The following KLF12 variants were observed in gnomAD, a reference collection of about 807,000 sequenced individuals.
KLF12 encodes the protein KLF transcription factor 12.
A neutral mutation model predicts 37.8 loss-of-function variants in KLF12; 9 were observed. The ratio of observed to expected loss-of-function variants is 0.24; its 90% CI spans 0.14 to 0.42. The LOEUF (loss-of-function observed/expected upper bound fraction) is 0.42, where lower values mean the gene tolerates loss of function less well. KLF12 is among the 10% of genes least tolerant of loss of function. The probability of loss-of-function intolerance (pLI) is 1.00; values close to 1 mark genes in which losing one functional copy is unlikely to be tolerated. For synonymous variants in KLF12, 208 were observed against 202.1 expected (o/e 1.03, Z -0.25); for missense variants, 411 against 516.0 (o/e 0.80, Z 1.97).
the KLF12 span, among the ~76,000 whole-genome samples, chr13:74,255,419 A>G: frequency 6.6e-6 from 1 of 152,210 alleles, no homozygotes; most frequent in Non-Finnish European, 1.5e-5. Flanking sequence ...AGCCTAGTTA[A>G]GTTTTTAGTT....
intron 1 of KLF12, among the ~76,000 whole-genome samples, chr13:74,029,595 C>A (rs1030583088): frequency 6.6e-5 from 10 of 152,100 alleles, no homozygotes; most frequent in Middle Eastern, 3.4e-3. Context: ...TATTTAGGAA[C>A]CCTATTAACG....
chr13:73,994,432 AC>A (rs1892050795), intron 2 of KLF12, among the ~76,000 whole-genome samples: 1 of 151,042 alleles, frequency 6.6e-6, no homozygotes, highest in Non-Finnish European at 1.5e-5. Flanking sequence ...ATAAGGTAAT[AC>A]CCACCATTTG....
At chr13:74,102,044 CCT>C (rs1168917871) in intron 1 of KLF12, among the ~76,000 whole-genome samples, 4 of 151,358 alleles carry the variant, frequency 2.6e-5, no homozygotes, top group Non-Finnish European at 5.9e-5. Flanking sequence ...ATGGTGAAAC[CCT>C]GTCTCTACTA....
chr13:74,137,209 G>A (rs939562462), upstream of KLF12, among the ~76,000 whole-genome samples: 1 of 152,218 alleles, frequency 6.6e-6, no homozygotes, highest in Non-Finnish European at 1.5e-5. Flanking sequence ...TGTTTGCAGA[G>A]ATGTGAAAAG....
At chr13:74,141,233 A>G in the KLF12 span, among the ~76,000 whole-genome samples, 2 of 152,202 alleles carry the variant, frequency 1.3e-5, no homozygotes, top group Non-Finnish European at 2.9e-5. Context: ...AGAAAAGAGA[A>G]TGGGAAACGA....
At chr13:73,761,216 T>C (rs1879528107) in intron 6 of KLF12, among the ~76,000 whole-genome samples, 1 of 152,196 alleles carries the variant, frequency 6.6e-6, no homozygotes, top group South Asian at 2.1e-4. Flanking sequence ...AAATAGATTT[T>C]TTCTGGCATT....
intron 1 of KLF12, among the ~76,000 whole-genome samples, chr13:74,018,249 T>A (rs1373390650): frequency 6.6e-6 from 1 of 152,292 alleles, no homozygotes; most frequent in East Asian, 1.9e-4. Context: ...ACATGTGGAA[T>A]CTTAAAAAGT....
intron 6 of KLF12, among the ~76,000 whole-genome samples, chr13:73,754,221 T>C (rs1464306204): frequency 6.6e-6 from 1 of 152,190 alleles, no homozygotes; most frequent in Non-Finnish European, 1.5e-5. Flanking sequence ...CCCAGGCTTC[T>C]TTCCATTTAA....
chr13:73,853,596 G>A (rs1885447781), intron 3 of KLF12, among the ~76,000 whole-genome samples: 1 of 152,096 alleles, frequency 6.6e-6, no homozygotes, highest in Non-Finnish European at 1.5e-5. Flanking sequence ...AAAATTAGCA[G>A]AGTGTGGTGG....
At chr13:74,285,853 C>A in the KLF12 span, among the ~76,000 whole-genome samples, 1 of 152,180 alleles carries the variant, frequency 6.6e-6, no homozygotes, top group Admixed American at 6.5e-5. Context: ...GAGGTATAAG[C>A]ATTTTTCTAA....
chr13:73,799,483 A>G (rs574541768), intron 5 of KLF12, among the ~76,000 whole-genome samples: 1 of 107,134 alleles, frequency 9.3e-6, no homozygotes, highest in Non-Finnish European at 2.0e-5. Flanking sequence ...ATTACATATA[A>G]TATTTTAATT....
the KLF12 span, among the ~76,000 whole-genome samples, chr13:74,142,145 C>T: frequency 1.2e-3 from 182 of 152,254 alleles, no homozygotes; most frequent in African/African-American, 4.1e-3. Flanking sequence ...TAAATGAATC[C>T]ATGTGTGATT....
At chr13:73,994,904 A>C in intron 2 of KLF12, 86 bp downstream of exon 2, 1 of 850,580 alleles carries the variant, frequency 1.2e-6, no homozygotes, top group Non-Finnish European at 2.0e-6. Context: ...TCACACAAGA[A>C]GGTACTCTAA....
At chr13:74,293,280 G>A in the KLF12 span, among the ~76,000 whole-genome samples, 1 of 152,178 alleles carries the variant, frequency 6.6e-6, no homozygotes, top group African/African-American at 2.4e-5. Context: ...CCTGGGTGAA[G>A]ATTTTTAGCT....
chr13:74,300,373 A>G, the KLF12 span, among the ~76,000 whole-genome samples: 4 of 152,216 alleles, frequency 2.6e-5, no homozygotes, highest in Admixed American at 6.5e-5. Flanking sequence ...TCATAATAAC[A>G]TGAACAAGAA....
intron 6 of KLF12, among the ~76,000 whole-genome samples, chr13:73,747,202 G>C (rs1566338499): frequency 6.6e-6 from 1 of 152,062 alleles, no homozygotes; most frequent in Admixed American, 6.6e-5. Context: ...TATAGTCTAA[G>C]AGAGGCACAC....
At chr13:74,026,725 G>A (rs879837178) in intron 1 of KLF12, among the ~76,000 whole-genome samples, 6 of 152,034 alleles carry the variant, frequency 3.9e-5, no homozygotes, top group South Asian at 2.1e-4. Context: ...GAAAAACATC[G>A]ATTCTAACCT....
intron 6 of KLF12, among the ~76,000 whole-genome samples, chr13:73,745,254 C>A (rs1243643662): frequency 6.6e-6 from 1 of 152,140 alleles, no homozygotes; most frequent in East Asian, 1.9e-4. Context: ...ACATTTAAAG[C>A]ATATGTTTTA....
At chr13:74,156,909 A>G in the KLF12 span, among the ~76,000 whole-genome samples, 1 of 152,284 alleles carries the variant, frequency 6.6e-6, no homozygotes, top group African/African-American at 2.4e-5. Flanking sequence ...AGTCTTAGCT[A>G]TTGTAAACAG....
Sources: gnomAD v4.1 joint callset for allele counts (sites outside exome capture counted in the v4.1 genomes callset) on GRCh38, gnomAD v4.1.1 for gene constraint, MANE v1.5 for transcripts, NCBI Gene and HGNC (gene_info 2026-07-23, HGNC 2026-07-21) for gene names.